Variants in CCDC39 observed in about 807,000 individuals in gnomAD.
CCDC39 encodes coiled-coil domain 39 molecular ruler complex subunit.
CCDC39 carries 113 observed loss-of-function variants against 121.0 expected under a neutral mutation model. The observed-to-expected ratio is 0.93, with a 90% confidence interval of 0.80 to 1.09. The LOEUF is 1.09. CCDC39 is among the 50% of genes least tolerant of loss of function. CCDC39 has a pLI of 0.00. For synonymous variants in CCDC39, 349 were observed against 352.2 expected, an observed-to-expected ratio of 0.99 and a Z score of 0.10; for missense variants, 1,063 against 1,074.7, an observed-to-expected ratio of 0.99 and a Z score of 0.15.
intron 8 of CCDC39, 80 bp from the exon 9 acceptor site, chr3:180,651,613 A>C: frequency 7.6e-7 from 1 of 1,320,784 alleles, no homozygotes; most frequent in Non-Finnish European, 1.0e-6. Context: ...TTATCCTAAT[A>C]TTTATTTGTA....
At chr3:180,632,709 A>G (rs1001294567) in intron 13 of CCDC39, among the ~76,000 whole-genome samples, 7 of 152,144 alleles carry the variant, frequency 4.6e-5, no homozygotes, top group African/African-American at 1.7e-4. Flanking sequence ...TGGAAAACAG[A>G]TGGGGTAAGA....
chr3:180,654,778 A>T lies in CCDC39; in HGVS notation c.914T>A (p.Ile305Asn). The T allele has an allele frequency of 6.2e-7, 1 of 1,607,388 alleles. No individual in the cohort carries two copies. The highest frequency in any genetic ancestry group is 8.5e-7 in the Non-Finnish European group (1 of 1,176,900). The change falls in exon 7 of 20, where the codon ATT (isoleucine) becomes AAT (asparagine). Residue 305 changes from isoleucine to asparagine, a missense_variant. By Grantham distance (149) the Ile-to-Asn change is moderately radical. Coordinates refer to ENST00000476379, the MANE Select transcript of CCDC39 (RefSeq NM_181426.2). ...TAYQDHETSR[I>N]QLKGELDSLK... is the part of the protein sequence containing the mutation. ...TTGACATACCTCACCCTTCAGCTGA[A>T]TTCTACTAGTTTCATGGTCCTGATA...
intron 14 of CCDC39, among the ~76,000 whole-genome samples, chr3:180,621,188 C>T (rs767125425): frequency 1.3e-5 from 2 of 152,090 alleles, no homozygotes; most frequent in African/African-American, 4.8e-5. Flanking sequence ...TCGGTTGAAT[C>T]CACATCTTTG....
intron 1 of CCDC39, among the ~76,000 whole-genome samples, chr3:180,668,307 A>G (rs553106181): frequency 6.6e-6 from 1 of 152,268 alleles, no homozygotes; most frequent in South Asian, 2.1e-4. Context: ...TGAGCCTGGG[A>G]GACAGAGGTT....
chr3:180,646,613 T>C (rs892045617), intron 11 of CCDC39, among the ~76,000 whole-genome samples: 1 of 152,166 alleles, frequency 6.6e-6, no homozygotes, highest in African/African-American at 2.4e-5. Context: ...GCAGTTTCTT[T>C]TTACATGGTG....
intron 14 of CCDC39, 91 bp downstream of exon 14, chr3:180,631,378 G>A (rs1057416972): frequency 6.6e-6 from 8 of 1,219,740 alleles, no homozygotes; most frequent in Middle Eastern, 4.2e-4. Context: ...TTGCAATATT[G>A]TTGTTTTTTT....
Position 180,614,809 on chromosome 3 carries a change from T to G in CCDC39, c.*112A>C. ...TTTTTAAAACTATCAGTTTTTACAC[T>G]TACCACTAAGTTTTTACACTTTCCA... On this transcript the variant is annotated 3_prime_UTR_variant, in exon 20 of 20. Coordinates refer to ENST00000476379, the MANE Select transcript of CCDC39 (RefSeq NM_181426.2). The G allele has an allele frequency of 1.1e-6, 1 of 928,194 alleles. No homozygotes were observed. The highest frequency in any genetic ancestry group is 2.8e-5 in the East Asian group (1 of 35,724). The allele number at this position is 928,194 out of a possible 1,614,324, so 57.5% of individuals were successfully genotyped here. A position where few individuals can be genotyped will look rare whatever the true frequency, so the allele number is the denominator to read the frequency against.
At chr3:180,658,021 G>A (rs577396711) in intron 6 of CCDC39, among the ~76,000 whole-genome samples, 1 of 150,514 alleles carries the variant, frequency 6.6e-6, no homozygotes, top group South Asian at 2.1e-4. Context: ...ATTGCCTGCG[G>A]TCAGGAGTTC....
chr3:180,661,762 G>C (rs1444201320), intron 3 of CCDC39, 99 bp downstream of exon 3: 1 of 1,040,108 alleles, frequency 9.6e-7, no homozygotes, highest in East Asian at 2.6e-5. Context: ...GGAAACTAAT[G>C]TATGCCTTTC....
At chr3:180,625,484 C>T (rs905165844) in intron 14 of CCDC39, among the ~76,000 whole-genome samples, 3 of 151,572 alleles carry the variant, frequency 2.0e-5, no homozygotes, top group Middle Eastern at 3.2e-3. Context: ...AATTTTTCAT[C>T]TGGCATTTCA....
intron 6 of CCDC39, among the ~76,000 whole-genome samples, chr3:180,656,247 T>A (rs1181836689): frequency 6.6e-6 from 1 of 152,220 alleles, no homozygotes; most frequent in South Asian, 2.1e-4. Context: ...CTTAATCAGA[T>A]GCTTTAATTC....
intron 9 of CCDC39, among the ~76,000 whole-genome samples, chr3:180,651,151 C>T (rs763884370): frequency 6.6e-5 from 10 of 151,826 alleles, no homozygotes; most frequent in South Asian, 2.1e-4. Flanking sequence ...GCCAAGATCT[C>T]GCCATTGCAC....
intron 11 of CCDC39, among the ~76,000 whole-genome samples, chr3:180,646,249 T>C (rs555829539): frequency 1.1e-3 from 162 of 151,956 alleles, no homozygotes; most frequent in African/African-American, 3.7e-3. Flanking sequence ...GACTACAAAC[T>C]ACTCCAAACC....
rs377423063 is a variant in CCDC39, at chr3:180,631,506, C to T, written c.1961G>A (p.Gly654Glu). ...ATAGGCCTGTGTTTTCTCCTCTTCT[C>T]CTTCAGGAGGCAGCATAACAACAGT... ...ILTVVMLPPE[G>E]EEEKTQAYYV... Residue 654 changes from glycine (G) to glutamate (E), a missense_variant, in exon 14 of 20, where the codon GGA (glycine) becomes GAA (glutamate). Physicochemically the swap from Gly to Glu is moderately conservative, Grantham distance 98. Coordinates refer to ENST00000476379, the MANE Select transcript of CCDC39 (RefSeq NM_181426.2). 1 of 1,607,934 alleles carries T rather than the reference C, an allele frequency of 6.2e-7. No individual in the cohort carries two copies. The highest frequency in any genetic ancestry group is 1.7e-5 in the Admixed American group (1 of 59,992).
intron 1 of CCDC39, among the ~76,000 whole-genome samples, chr3:180,669,532 C>T (rs1285046188): frequency 2.6e-5 from 4 of 152,076 alleles, no homozygotes; most frequent in Non-Finnish European, 5.9e-5. Flanking sequence ...TGACCAGATT[C>T]AGAGCATTTC....
intron 9 of CCDC39, among the ~76,000 whole-genome samples, chr3:180,649,325 T>C (rs1027933955): frequency 7.2e-5 from 11 of 152,156 alleles, no homozygotes; most frequent in African/African-American, 2.2e-4. Flanking sequence ...GTTCTAGGCT[T>C]TAAATTGATC....
chr3:180,619,779 A>G (rs1411021615), intron 15 of CCDC39, 32 bp downstream of exon 15: 1 of 1,323,358 alleles, frequency 7.6e-7, no homozygotes, highest in East Asian at 2.4e-5. Context: ...GTCACTGTAT[A>G]TATGTATAAA....
At chr3:180,652,137 A>C in intron 8 of CCDC39, 26 bp downstream of exon 8, 1 of 1,150,082 alleles carries the variant, frequency 8.7e-7, no homozygotes, top group Non-Finnish European at 1.2e-6. Context: ...ATAATCATAA[A>C]CATATTTAGA....
At chr3:180,618,001 A>T (rs146885412) in intron 16 of CCDC39, among the ~76,000 whole-genome samples, 3 of 152,044 alleles carry the variant, frequency 2.0e-5, no homozygotes, top group African/African-American at 7.2e-5. Context: ...CCATTATACC[A>T]TATTTTTATT....
Sources: allele counts gnomAD v4.1 joint callset (sites outside exome capture counted in the v4.1 genomes callset), GRCh38; gene constraint gnomAD v4.1.1; transcripts MANE v1.5; gene names NCBI Gene and HGNC (gene_info 2026-07-23, HGNC 2026-07-21).